Variants in FOLH1 observed in about 807,000 individuals in gnomAD.
FOLH1 encodes folate hydrolase 1, also known as glutamate carboxypeptidase 2.
FOLH1 carries 54 observed loss-of-function variants against 93.9 expected under a neutral mutation model. That is an observed-to-expected ratio of 0.57 (90% CI 0.46 to 0.72). The LOEUF (loss-of-function observed/expected upper bound fraction) is 0.72. Among genes scored for constraint, FOLH1 ranks in the 30% least tolerant of loss-of-function variants. The probability of loss-of-function intolerance (pLI) is 0.00; values close to 1 mark genes in which losing one functional copy is unlikely to be tolerated. For missense variants in FOLH1, 571 were observed against 892.5 expected, an observed-to-expected ratio of 0.64 and a Z score of 4.59; for synonymous variants, 249 against 303.6, an observed-to-expected ratio of 0.82 and a Z score of 1.87.
intron 3 of FOLH1, among the ~76,000 whole-genome samples, chr11:49,198,041 A>C (rs1241965760): frequency 6.6e-6 from 1 of 152,124 alleles, no homozygotes; most frequent in Non-Finnish European, 1.5e-5. Flanking sequence ...AAATCTCCCA[A>C]GTGAAACTTT....
chr11:49,154,871 A>G (rs1856845282), intron 15 of FOLH1, among the ~76,000 whole-genome samples: 1 of 152,064 alleles, frequency 6.6e-6, no homozygotes, highest in African/African-American at 2.4e-5. Flanking sequence ...CATAAGTATT[A>G]CACAATATTA....
intron 11 of FOLH1, 143 bp from the exon 12 acceptor site, chr11:49,169,401 A>C (rs1163159526): frequency 3.1e-6 from 2 of 652,712 alleles, no homozygotes; most frequent in Non-Finnish European, 5.1e-6. Flanking sequence ...AAATTCTCAT[A>C]AAAGAGCTGC....
intron 12 of FOLH1, among the ~76,000 whole-genome samples, chr11:49,167,046 CAAAA>C (rs76160864): frequency 6.7e-6 from 1 of 149,728 alleles, no homozygotes; most frequent in African/African-American, 2.5e-5. Flanking sequence ...ACAACAACAA[CAAAA>C]AAAAACAGAA....
intron 13 of FOLH1, among the ~76,000 whole-genome samples, chr11:49,163,887 T>C (rs183591039): frequency 3.1e-3 from 465 of 152,194 alleles, no homozygotes; most frequent in Non-Finnish European, 4.8e-3. Context: ...GGAAAAAGCA[T>C]GGTTTCCTGG....
intron 18 of FOLH1, 69 bp downstream of exon 18, chr11:49,148,570 G>T: frequency 1.6e-6 from 2 of 1,216,652 alleles, no homozygotes; most frequent in Non-Finnish European, 2.3e-6. Flanking sequence ...TTTTTCCACA[G>T]TGAAAAAAAT....
At position 49,208,532 on chromosome 11, in the gene FOLH1, C is replaced by T. The variant is rs1864234953; in HGVS notation, c.-123G>A. 2.3e-5 allele frequency: 15 copies of T among 645,048 alleles called. No homozygotes were observed. Among genetic ancestry groups the T allele is most frequent in the Non-Finnish European group, 3.9e-5 (15 of 383,844 alleles). The allele number at this position is 645,048 out of a possible 1,614,324, so 40.0% of individuals were successfully genotyped here. On this transcript the variant is annotated 5_prime_UTR_variant, in exon 1 of 19. Transcript: ENST00000256999. Reference sequence around the variant, plus strand: ...TCTCACTAATGCCTCGCTTATCAGCCCTGCAGGCTGGAATTCGCTCCAGAC... The same window carrying T: ...TCTCACTAATGCCTCGCTTATCAGCTCTGCAGGCTGGAATTCGCTCCAGAC...
intron 15 of FOLH1, among the ~76,000 whole-genome samples, chr11:49,155,836 A>ATATATATG (rs58724476): frequency 8.2e-6 from 1 of 121,512 alleles, no homozygotes; most frequent in Non-Finnish European, 1.8e-5. Flanking sequence ...ATATATATAT[A>ATATATATG]ATCAACAACA....
chr11:49,187,746 C>T (rs1861579898), intron 4 of FOLH1, among the ~76,000 whole-genome samples: 1 of 152,206 alleles, frequency 6.6e-6, no homozygotes, highest in Non-Finnish European at 1.5e-5. Context: ...GCAGGGAAGG[C>T]TCTCTGCAGA....
At chr11:49,181,098 A>G (rs1431493685) in intron 7 of FOLH1, among the ~76,000 whole-genome samples, 1 of 144,158 alleles carries the variant, frequency 6.9e-6, no homozygotes, top group African/African-American at 2.5e-5. Flanking sequence ...ATACAGGTTC[A>G]TGTTTTAAAT....
At chr11:49,194,882 T>A (rs915517126) in intron 3 of FOLH1, among the ~76,000 whole-genome samples, 12 of 151,948 alleles carry the variant, frequency 7.9e-5, no homozygotes, top group African/African-American at 2.9e-4. Flanking sequence ...ATAATAGGTC[T>A]CCAAATTATA....
At chr11:49,168,273 G>A (rs1858701973) in intron 12 of FOLH1, among the ~76,000 whole-genome samples, 2 of 151,434 alleles carry the variant, frequency 1.3e-5, no homozygotes, top group Non-Finnish European at 2.9e-5. Flanking sequence ...AACACATAAA[G>A]AGGTGTTGAA....
Position 49,183,228 on chromosome 11 carries a change from G to T in FOLH1, c.841C>A (p.Arg281Ser), listed in dbSNP as rs772709942. 15 of 1,610,204 alleles carry T rather than the reference G, an allele frequency of 9.3e-6. No homozygotes were observed. The highest frequency in any genetic ancestry group is 2.2e-5 in the South Asian group (2 of 90,022). Reference sequence around the variant, plus strand: ...AGACCAACAGCCTCTGCAATTCCACGCCTATAAGCATATTCTGAAAAAAAA... The same window carrying T: ...AGACCAACAGCCTCTGCAATTCCACTCCTATAAGCATATTCTGAAAAAAAA... Reference protein sequence around the residue: ...GYPANEYAYRRGIAEAVGLPS... With the variant: ...GYPANEYAYRSGIAEAVGLPS... Residue 281 changes from arginine (R) to serine (S), a missense_variant, in exon 7 of 19, where the codon CGT becomes AGT. Transcript: ENST00000256999.
chr11:49,192,960 A>C (rs1258620129), intron 3 of FOLH1, 66 bp from the exon 4 acceptor site: 79 of 1,341,608 alleles, frequency 5.9e-5, no homozygotes, highest in Middle Eastern at 5.9e-4. Context: ...ATCAAACACA[A>C]AAAAAATGAA....
At chr11:49,157,088 C>T (rs928389964) in intron 14 of FOLH1, among the ~76,000 whole-genome samples, 1 of 152,034 alleles carries the variant, frequency 6.6e-6, no homozygotes, top group East Asian at 1.9e-4. Context: ...TTCCATTTAT[C>T]ATCTTTATTT....
At chr11:49,182,436 A>C (rs947823823) in intron 7 of FOLH1, among the ~76,000 whole-genome samples, 2 of 151,784 alleles carry the variant, frequency 1.3e-5, no homozygotes, top group Non-Finnish European at 2.9e-5. Flanking sequence ...GGAAAGTTTC[A>C]ATAATGAAAG....
chr11:49,192,456 G>T (rs570711234), intron 4 of FOLH1, among the ~76,000 whole-genome samples: 41 of 152,180 alleles, frequency 2.7e-4, no homozygotes, highest in Non-Finnish European at 5.3e-4. Context: ...ATGTAGAGTT[G>T]ATTAAGAAGA....
intron 12 of FOLH1, among the ~76,000 whole-genome samples, chr11:49,165,815 G>C (rs1322403261): frequency 6.6e-6 from 1 of 152,134 alleles, no homozygotes; most frequent in Non-Finnish European, 1.5e-5. Context: ...TTAAAGATTT[G>C]ATTTTAGATT....
chr11:49,172,066 T>C (rs140463457), intron 10 of FOLH1, among the ~76,000 whole-genome samples: 42 of 152,270 alleles, frequency 2.8e-4, no homozygotes, highest in African/African-American at 9.4e-4. Context: ...ATCATCTTAG[T>C]AAATATTCAT....
intron 17 of FOLH1, among the ~76,000 whole-genome samples, chr11:49,149,762 T>G (rs1856269162): frequency 6.6e-6 from 1 of 152,182 alleles, no homozygotes; most frequent in Non-Finnish European, 1.5e-5. Context: ...AAAATACTTT[T>G]GTTCTAGATT....
Sources: allele counts gnomAD v4.1 joint callset (sites outside exome capture counted in the v4.1 genomes callset), GRCh38; gene constraint gnomAD v4.1.1; transcripts MANE v1.5; gene names NCBI Gene and HGNC (gene_info 2026-07-23, HGNC 2026-07-21).